The following CA7 variants were observed in gnomAD, a reference collection of about 807,000 sequenced individuals.
CA7 encodes carbonate dehydratase VII.
In CA7, 13 loss-of-function variants were observed where a neutral mutation model predicts 31.4. That is an observed-to-expected ratio of 0.41 (90% CI 0.27 to 0.66). CA7 has a LOEUF of 0.66. Among genes scored for constraint, CA7 ranks in the 30% least tolerant of loss-of-function variants. CA7 has a pLI of 0.28. For synonymous variants in CA7, 128 were observed against 133.2 expected (o/e 0.96, Z 0.27); for missense variants, 215 against 351.0 (o/e 0.61, Z 3.10).
intron 1 of CA7, among the ~76,000 whole-genome samples, chr16:66,845,497 G>C (rs1960910986): frequency 1.3e-5 from 2 of 152,222 alleles, no homozygotes. Context: ...GTAGACCAGA[G>C]GGAGGGTGCT....
At chr16:66,852,543 GAAGGAAGA>G (rs1178808303) in intron 5 of CA7, among the ~76,000 whole-genome samples, 161 bp from the exon 6 acceptor site, 10 of 121,634 alleles carry the variant, frequency 8.2e-5, no homozygotes, top group African/African-American at 4.6e-4. Context: ...AGGAAGGAAG[GAAGGAAGA>G]AAGAAAGAAA....
intron 1 of CA7, among the ~76,000 whole-genome samples, 160 bp downstream of exon 1, chr16:66,844,687 C>T (rs1960886070): frequency 6.6e-6 from 1 of 152,270 alleles, no homozygotes; most frequent in South Asian, 2.1e-4. Flanking sequence ...TTGGCCCAAG[C>T]CTTGGTCCCC....
At chr16:66,851,757 C>T (rs772695936) in intron 5 of CA7, 31 bp downstream of exon 5, 3 of 1,593,066 alleles carry the variant, frequency 1.9e-6, no homozygotes, top group Admixed American at 1.7e-5. Context: ...CCAAGCAGCC[C>T]GATGGGGAGA....
In CA7 at chr16:66,846,954, TC is replaced by T. The variant is rs529857078; in HGVS notation, c.41-72del. 62 of 1,239,284 alleles carry T rather than the reference TC, an allele frequency of 5.0e-5. No individual in the cohort carries two copies. The South Asian group carries it at 6.9e-4, about 14-fold the overall frequency. The allele number at this position is 1,239,284 out of a possible 1,614,324, so 76.8% of individuals were successfully genotyped here. On this transcript the variant is annotated intron_variant, in intron 1 of 6. Coordinates refer to ENST00000338437, the MANE Select transcript of CA7 (RefSeq NM_005182.3). Reference sequence around the variant, plus strand: ...TCTGAAAGGATGCTGAAGAGACCATTCCCCTATGGGTGTCCTCGGCCTGAAG... The same window carrying T: ...TCTGAAAGGATGCTGAAGAGACCATTCCCTATGGGTGTCCTCGGCCTGAAG...
At chr16:66,846,219 T>C (rs1256947201) in intron 1 of CA7, among the ~76,000 whole-genome samples, 1 of 151,802 alleles carries the variant, frequency 6.6e-6, no homozygotes, top group Non-Finnish European at 1.5e-5. Flanking sequence ...GCATGTGTTT[T>C]GCTGTGGTCC....
At chr16:66,849,390 G>A (rs1051698431) in intron 2 of CA7, among the ~76,000 whole-genome samples, 1 of 152,162 alleles carries the variant, frequency 6.6e-6, no homozygotes, top group Non-Finnish European at 1.5e-5. Context: ...TTCTAGGGAG[G>A]CAGTGTTGCC....
At position 66,853,285 on chromosome 16, in the gene CA7, G is replaced by A. The variant is rs1961106343; in HGVS notation, c.673-91G>A. On this transcript the variant is annotated intron_variant, in intron 6 of 6. Transcript: ENST00000338437. This position sits in a 1 kb window ranked among gnomAD's most constrained non-coding sequence, Gnocchi z 4.5. ...GGAAGGAGGAGGGAGGGGTAGAGCT[G>A]GCTGGGCAGGTATGCCAGATGATGC... The A allele has an allele frequency of 1.3e-6, 2 of 1,526,104 alleles. No homozygotes were observed. The highest frequency in any genetic ancestry group is 1.7e-5 in the Admixed American group (1 of 58,244). 94.5% of individuals were successfully genotyped at this position (1,526,104 alleles called of 1,614,324 possible).
At chr16:66,844,957 G>C (rs1238493301) in intron 1 of CA7, 17 of 1,001,808 alleles carry the variant, frequency 1.7e-5, no homozygotes, top group South Asian at 4.6e-5. Flanking sequence ...GACCTCGGGG[G>C]AGCGGGGCTC....
intron 2 of CA7, among the ~76,000 whole-genome samples, chr16:66,848,543 C>T (rs974545528): frequency 2.0e-5 from 3 of 152,110 alleles, no homozygotes; most frequent in African/African-American, 7.2e-5. Context: ...GGCTGGGGCT[C>T]CCTCCCCCAC....
chr16:66,845,591 C>G (rs940675049), intron 1 of CA7, among the ~76,000 whole-genome samples: 1 of 152,012 alleles, frequency 6.6e-6, no homozygotes, highest in African/African-American at 2.4e-5. Context: ...TATGCAAGAG[C>G]TGGAAAGAGA....
chr16:66,852,877 C>T lies in CA7; in HGVS notation c.672+10C>T. On this transcript the variant is annotated intron_variant, in intron 6 of 6. Coordinates refer to ENST00000338437, the MANE Select transcript of CA7 (RefSeq NM_005182.3). ...CATCTCTGAAAGGCAGGTGAGTCCT[C>T]TCAGAGGACCAGATGGAGGGACATG... The T allele has an allele frequency of 1.9e-6, 3 of 1,610,894 alleles. No individual in the cohort carries two copies. The highest frequency in any genetic ancestry group is 2.5e-6 in the Non-Finnish European group (3 of 1,177,968).
Position 66,847,052 on chromosome 16 carries a change from G to A in CA7, c.63G>A (p.Leu21=), listed in dbSNP as rs770143403. 1 of 1,614,140 alleles carries A rather than the reference G, an allele frequency of 6.2e-7. No individual in the cohort carries two copies. The highest frequency in any genetic ancestry group is 1.7e-5 in the Admixed American group (1 of 60,018). Reference sequence around the variant, plus strand: ...CAGGCCCCTCGCATTGGCACAAGCTGTATCCCATTGCCCAGGGAGATCGCC... The same window carrying A: ...CAGGCCCCTCGCATTGGCACAAGCTATATCCCATTGCCCAGGGAGATCGCC... ...QDDGPSHWHK[L]YPIAQGDRQS... Residue 21 remains leucine (L), a synonymous_variant, in exon 2 of 7, where the codon CTG becomes CTA. Transcript: ENST00000338437.
intron 5 of CA7, among the ~76,000 whole-genome samples, 166 bp from the exon 6 acceptor site, chr16:66,852,546 G>T (rs1332303376): frequency 8.1e-6 from 1 of 124,160 alleles, no homozygotes; most frequent in East Asian, 2.1e-4. Flanking sequence ...AAGGAAGGAA[G>T]GAAGAAAGAA....
At chr16:66,847,729 C>T (rs1309397808) in intron 2 of CA7, among the ~76,000 whole-genome samples, 4 of 152,146 alleles carry the variant, frequency 2.6e-5, no homozygotes, top group African/African-American at 7.2e-5. Flanking sequence ...GCTTGATGAG[C>T]TGGGGAGGGC....
chr16:66,846,542 T>C (rs1960932470), intron 1 of CA7, among the ~76,000 whole-genome samples: 1 of 152,186 alleles, frequency 6.6e-6, no homozygotes, highest in Non-Finnish European at 1.5e-5. Context: ...GGGATCTTGC[T>C]GGTTTCTATT....
Position 66,850,522 on chromosome 16 carries a change from G to A in CA7, c.239-19G>A, listed in dbSNP as rs371741126. 95 of 1,411,166 alleles carry A rather than the reference G, an allele frequency of 6.7e-5. No individual in the cohort carries two copies. Among genetic ancestry groups the A allele is most frequent in the South Asian group, 4.1e-4 (36 of 87,148 alleles). 87.4% of individuals were successfully genotyped at this position (1,411,166 alleles called of 1,614,324 possible). On this transcript the variant is annotated intron_variant, in intron 2 of 6. Transcript: ENST00000338437. ...GGTCCTCTCCTACTCATTGCCACTC[G>A]CCCCACTTCTACCCACAGTGGTGAC...
At chr16:66,848,573 G>T (rs1960974812) in intron 2 of CA7, among the ~76,000 whole-genome samples, 1 of 152,030 alleles carries the variant, frequency 6.6e-6, no homozygotes, top group Admixed American at 6.5e-5. Flanking sequence ...CCAGGCCGGA[G>T]GGCGCAGGAA....
chr16:66,846,176 T>G (rs1375694294), intron 1 of CA7, among the ~76,000 whole-genome samples: 2 of 99,490 alleles, frequency 2.0e-5, no homozygotes, highest in East Asian at 2.1e-4. Flanking sequence ...TGTATGCAGG[T>G]GTGTGTGTGT....
chr16:66,844,481 C>T lies in CA7; in HGVS notation c.-7C>T. 6.5e-7 allele frequency: 1 copy of T among 1,540,764 alleles called. No homozygotes were observed. Among genetic ancestry groups the T allele is most frequent in the Non-Finnish European group, 8.7e-7 (1 of 1,143,136 alleles). On this transcript the variant is annotated 5_prime_UTR_variant, in exon 1 of 7. Transcript: ENST00000338437. ...GGCAGGTGCACGGCTGCGGGGACGGCAGCGGCATGACCGGCCACCACGGCT... is the reference window on the plus strand; with the variant it reads ...GGCAGGTGCACGGCTGCGGGGACGGTAGCGGCATGACCGGCCACCACGGCT...
Sources: gnomAD v4.1 joint callset for allele counts (sites outside exome capture counted in the v4.1 genomes callset) on GRCh38, gnomAD v4.1.1 for gene constraint, Gnocchi (gnomAD v3.1) non-coding constraint, MANE v1.5 for transcripts, NCBI Gene and HGNC (gene_info 2026-07-23, HGNC 2026-07-21) for gene names.